DENND6A: variants seen among roughly 807,000 people sequenced by gnomAD.
The protein encoded by DENND6A is DENN domain containing 6A, also known as protein DENND6A.
Under a neutral mutation model 95.5 loss-of-function variants are expected in DENND6A, and 43 were observed. That is an observed-to-expected ratio of 0.45 (90% CI 0.35 to 0.58). The LOEUF (loss-of-function observed/expected upper bound fraction) is 0.58. DENND6A is among the 20% of genes least tolerant of loss of function. The pLI, the probability that DENND6A is intolerant of heterozygous loss-of-function variation, is 0.00. For missense variants in DENND6A, 574 were observed against 736.0 expected (o/e 0.78, Z 2.55); for synonymous variants, 257 against 260.4 (o/e 0.99, Z 0.13).
chr3:57,641,428 T>C (rs2070933916), intron 12 of DENND6A, among the ~76,000 whole-genome samples: 1 of 148,086 alleles, frequency 6.8e-6, no homozygotes, highest in Non-Finnish European at 1.5e-5. Flanking sequence ...TATTATTCTA[T>C]AATAATATAA....
At chr3:57,639,427 A>T (rs921792723) in intron 12 of DENND6A, among the ~76,000 whole-genome samples, 50 of 152,228 alleles carry the variant, frequency 3.3e-4, no homozygotes, top group African/African-American at 1.2e-3. Flanking sequence ...ACCTACATCT[A>T]GCAGAGAGAC....
intron 12 of DENND6A, among the ~76,000 whole-genome samples, chr3:57,637,766 CAAA>C (rs68168204): frequency 9.1e-6 from 1 of 109,428 alleles, no homozygotes. Flanking sequence ...AATAAGACTT[CAAA>C]AAAAAAAAAA....
rs2070577382 is a variant in DENND6A at position 57,628,295 on chromosome 3, C to T, written c.1746G>A (p.Lys582=). 1 of 1,614,156 alleles carries T rather than the reference C, an allele frequency of 6.2e-7. No homozygotes were observed. The highest frequency in any genetic ancestry group is 8.5e-7 in the Non-Finnish European group (1 of 1,180,030). The change falls in exon 20 of 20, where the codon AAG becomes AAA. Residue 582 remains lysine (K), a synonymous_variant. Coordinates refer to ENST00000311128, the MANE Select transcript of DENND6A (RefSeq NM_152678.3). ...TAATGGCATCTATGTGTGTCCGTAA[C>T]TTTTCCATAGTGTCAGGTTTCACAG... The part of the protein sequence containing the change: ...HLPVKPDTME[K]LRTHIDAIIL...
At chr3:57,657,451 A>G (rs2153415259) in intron 9 of DENND6A, among the ~76,000 whole-genome samples, 1 of 152,294 alleles carries the variant, frequency 6.6e-6, no homozygotes, top group East Asian at 1.9e-4. Flanking sequence ...CTCACACTAA[A>G]CCAAACAAAA....
At chr3:57,660,980 A>C in intron 6 of DENND6A, 141 bp from the exon 7 acceptor site, 1 of 685,552 alleles carries the variant, frequency 1.5e-6, no homozygotes, top group Non-Finnish European at 2.3e-6. Context: ...GGCAAAAGAA[A>C]AGTCAAAGTG....
At chr3:57,631,744 A>T (rs1467030732) in intron 15 of DENND6A, among the ~76,000 whole-genome samples, 25 of 103,950 alleles carry the variant, frequency 2.4e-4, no homozygotes, top group Non-Finnish European at 4.1e-4. Flanking sequence ...TTTTTTTGAG[A>T]CGGAGTCTCA....
intron 1 of DENND6A, among the ~76,000 whole-genome samples, chr3:57,687,212 T>A (rs538985058): frequency 6.6e-6 from 1 of 152,200 alleles, no homozygotes; most frequent in East Asian, 1.9e-4. Context: ...AACACATCAA[T>A]GATAAGAAAG....
chr3:57,685,727 TTC>T (rs2153417499), intron 1 of DENND6A, among the ~76,000 whole-genome samples: 1 of 152,178 alleles, frequency 6.6e-6, no homozygotes, highest in African/African-American at 2.4e-5. Flanking sequence ...TCAGCATTCA[TTC>T]TTTTTTTTTA....
Position 57,632,106 on chromosome 3 carries a change from G to A in DENND6A, c.1354-1128C>T, listed in dbSNP as rs2070696495. On this transcript the variant is annotated intron_variant, in intron 15 of 19. Transcript: ENST00000311128. ...GCGATCTCAGCTCACTGCAACCTCC[G>A]CCTCCCGGGTTCAAGTGATTCTCCT... 2.8e-5 allele frequency among the ~76,000 whole-genome samples: 4 copies of A among 144,290 alleles called. No homozygotes were observed. The South Asian group carries it at 6.8e-4, about 24-fold the overall frequency. The allele number at this position is 144,290 out of a possible 152,430, so 94.7% of individuals were successfully genotyped here.
At chr3:57,670,019 C>CAAAAAA (rs780880587) in intron 3 of DENND6A, among the ~76,000 whole-genome samples, 18 of 57,692 alleles carry the variant, frequency 3.1e-4, no homozygotes, top group East Asian at 5.8e-4. Flanking sequence ...AACTCCATCT[C>CAAAAAA]AAAAAAAAAA....
At chr3:57,674,678 T>A (rs574750334) in intron 1 of DENND6A, among the ~76,000 whole-genome samples, 6 of 152,232 alleles carry the variant, frequency 3.9e-5, no homozygotes, top group African/African-American at 1.2e-4. Flanking sequence ...AAATAACTAG[T>A]TCTGCAGCAC....
At chr3:57,638,395 C>T (rs553400795) in intron 12 of DENND6A, among the ~76,000 whole-genome samples, 3 of 151,718 alleles carry the variant, frequency 2.0e-5, no homozygotes, top group African/African-American at 4.8e-5. Context: ...TGGTGGCTCA[C>T]GCCTACAATT....
intron 6 of DENND6A, 130 bp downstream of exon 6, chr3:57,661,316 T>A (rs1185294586): frequency 2.9e-6 from 2 of 696,594 alleles, no homozygotes; most frequent in Admixed American, 3.8e-5. Context: ...GTTTTATACC[T>A]TTCTCCTATC....
chr3:57,645,547 CA>C, intron 11 of DENND6A, 113 bp downstream of exon 11: 1 of 679,892 alleles, frequency 1.5e-6, no homozygotes, highest in African/African-American at 1.9e-5. Context: ...AGCAGCTCCT[CA>C]AACTTTCCTT....
intron 1 of DENND6A, among the ~76,000 whole-genome samples, chr3:57,672,722 G>A (rs1282185825): frequency 2.0e-5 from 3 of 152,072 alleles, no homozygotes; most frequent in Non-Finnish European, 2.9e-5. Context: ...GACAGAGATC[G>A]TAGTAAGCCG....
chr3:57,657,704 G>T lies in DENND6A; in HGVS notation c.794C>A (p.Thr265Asn). The change falls in exon 9 of 20, where the codon ACT becomes AAT. Residue 265 changes from threonine to asparagine, a missense_variant. Physicochemically the swap from Thr to Asn is moderately conservative, Grantham distance 65. Around this residue, in one of 2 missense-constraint regions of DENND6A, gnomAD observed 452 missense variants for 630.9 expected, o/e 0.72. Coordinates refer to ENST00000311128, the MANE Select transcript of DENND6A (RefSeq NM_152678.3). ...VDTNISVILPTVHEVDIFRCF... is the reference protein window; with the variant it reads ...VDTNISVILPNVHEVDIFRCF... ...CCTGAAAATATCCACCTCATGAACA[G>T]TAGGTAAAATAACAGATATATTTGT... 6.3e-7 allele frequency: 1 copy of T among 1,583,242 alleles called. No homozygotes were observed. The highest frequency in any genetic ancestry group is 8.6e-7 in the Non-Finnish European group (1 of 1,159,960).
intron 18 of DENND6A, among the ~76,000 whole-genome samples, chr3:57,629,604 C>T (rs1200888852): frequency 1.3e-5 from 2 of 150,588 alleles, no homozygotes; most frequent in East Asian, 2.0e-4. Flanking sequence ...CTCCGCCTCC[C>T]GGGTTCACGC....
chr3:57,658,728 T>C (rs1023819547), intron 8 of DENND6A, among the ~76,000 whole-genome samples: 1 of 152,170 alleles, frequency 6.6e-6, no homozygotes, highest in Non-Finnish European at 1.5e-5. Context: ...ACCCCACCCA[T>C]GAACAGATGG....
In DENND6A at chr3:57,692,524, TAAAG is replaced by T. The variant is rs142607259; in HGVS notation, c.237+254_237+257del. 9.9e-3 allele frequency among the ~76,000 whole-genome samples: 1,506 copies of T among 152,158 alleles called. 16 individuals are homozygous for T. Among genetic ancestry groups the T allele is most frequent in the African/African-American group, 0.034 (1,391 of 41,506 alleles). ...TCTGTGACTCTGCGTTTAAAAGAAA[TAAAG>T]AAAGAACAGGATGAACATCAACAAG... On this transcript the variant is annotated intron_variant, in intron 1 of 19. Transcript: ENST00000311128.
Sources: gnomAD v4.1 joint callset for allele counts (sites outside exome capture counted in the v4.1 genomes callset) on GRCh38, gnomAD v4.1.1 for gene constraint, gnomAD v4.1.1 regional missense constraint, MANE v1.5 for transcripts, NCBI Gene and HGNC (gene_info 2026-07-23, HGNC 2026-07-21) for gene names.